GRM7: variants seen among roughly 807,000 people sequenced by gnomAD.
GRM7 encodes metabotropic glutamate receptor 7.
A neutral mutation model predicts 84.5 loss-of-function variants in GRM7; 35 were observed. The ratio of observed to expected loss-of-function variants is 0.41; its 90% CI spans 0.32 to 0.55. The LOEUF is 0.55. Ranked by LOEUF, GRM7 falls within the 20% of genes least tolerant of loss-of-function variation. GRM7 has a pLI of 0.19. For synonymous variants in GRM7, 487 were observed against 455.1 expected (o/e 1.07, Z -0.89); for missense variants, 1,003 against 1,194.6 (o/e 0.84, Z 2.36).
At chr3:7,686,609 G>A (rs1332573501) in intron 9 of GRM7, among the ~76,000 whole-genome samples, 3 of 152,130 alleles carry the variant, frequency 2.0e-5, no homozygotes, top group African/African-American at 4.8e-5. Context: ...GCCAGCAGCT[G>A]CCATTGGTCA....
chr3:7,693,527 A>T, intron 9 of GRM7: 2 of 722,562 alleles, frequency 2.8e-6, no homozygotes, highest in Non-Finnish European at 4.9e-6. Context: ...TTGGACCTTA[A>T]TTCCTCTTTC....
At chr3:7,728,212 G>A (rs576137901) in intron 9 of GRM7, among the ~76,000 whole-genome samples, 20 of 152,216 alleles carry the variant, frequency 1.3e-4, no homozygotes, top group Admixed American at 3.3e-4. Flanking sequence ...AGACCGAACC[G>A]GGTCTGGCTG....
chr3:7,501,217 T>C (rs1420177188), intron 7 of GRM7, among the ~76,000 whole-genome samples: 1 of 152,192 alleles, frequency 6.6e-6, no homozygotes, highest in African/African-American at 2.4e-5. Flanking sequence ...TTATCCTCAT[T>C]TCAGAGGCTT....
chr3:7,554,472 C>T (rs1170646424), intron 7 of GRM7, among the ~76,000 whole-genome samples: 3 of 152,112 alleles, frequency 2.0e-5, no homozygotes, highest in Admixed American at 2.0e-4. Context: ...GTGACAACAT[C>T]GAATGAGTAA....
At chr3:6,966,942 G>A (rs1401967631) in intron 1 of GRM7, among the ~76,000 whole-genome samples, 1 of 152,064 alleles carries the variant, frequency 6.6e-6, no homozygotes, top group Non-Finnish European at 1.5e-5. Context: ...CTATAAGGGG[G>A]AATAATAATA....
At chr3:7,431,686 T>A (rs1696835913) in intron 5 of GRM7, among the ~76,000 whole-genome samples, 1 of 152,182 alleles carries the variant, frequency 6.6e-6, no homozygotes, top group Non-Finnish European at 1.5e-5. Flanking sequence ...TGGATGGTTA[T>A]TTCATTAAGT....
chr3:7,433,886 T>C (rs900551112), intron 5 of GRM7, among the ~76,000 whole-genome samples: 1 of 152,192 alleles, frequency 6.6e-6, no homozygotes, highest in African/African-American at 2.4e-5. Context: ...GAAGCAGCAG[T>C]TTTATTTCAA....
intron 1 of GRM7, among the ~76,000 whole-genome samples, chr3:6,864,999 T>C (rs1694892862): frequency 6.6e-6 from 1 of 152,214 alleles, no homozygotes; most frequent in African/African-American, 2.4e-5. Context: ...TACGATGACA[T>C]GTCTGAGGAC....
chr3:7,252,115 C>T (rs1698013330), intron 2 of GRM7, among the ~76,000 whole-genome samples: 1 of 152,024 alleles, frequency 6.6e-6, no homozygotes, highest in South Asian at 2.1e-4. Flanking sequence ...ATAACTCTTT[C>T]CTGGGGTAGC....
At chr3:7,140,872 A>G (rs995479327) in intron 1 of GRM7, among the ~76,000 whole-genome samples, 1 of 152,026 alleles carries the variant, frequency 6.6e-6, no homozygotes, top group Non-Finnish European at 1.5e-5. Context: ...ATAAACTTAT[A>G]TAGAGAGGGA....
At chr3:7,017,296 A>G (rs1465840284) in intron 1 of GRM7, among the ~76,000 whole-genome samples, 1 of 152,180 alleles carries the variant, frequency 6.6e-6, no homozygotes, top group East Asian at 1.9e-4. Flanking sequence ...TAAAAAGGAA[A>G]GTTTTAGATT....
intron 4 of GRM7, among the ~76,000 whole-genome samples, chr3:7,342,621 A>G (rs1384840747): frequency 6.6e-6 from 1 of 152,130 alleles, no homozygotes; most frequent in Non-Finnish European, 1.5e-5. Flanking sequence ...TTACCTACAG[A>G]ATGTTAAGTT....
chr3:7,414,572 G>A (rs17047293), intron 4 of GRM7, among the ~76,000 whole-genome samples: 3,556 of 152,164 alleles, frequency 0.023, 124 homozygotes, highest in African/African-American at 0.073. Context: ...ATTGGATTGA[G>A]GTTTATATTG....
chr3:7,285,017 C>A (rs1699380238), intron 2 of GRM7, among the ~76,000 whole-genome samples: 3 of 152,244 alleles, frequency 2.0e-5, no homozygotes, highest in African/African-American at 7.2e-5. Context: ...CAAACTTTGA[C>A]CAGCAGGTTA....
intron 7 of GRM7, among the ~76,000 whole-genome samples, chr3:7,469,552 T>C (rs1698609317): frequency 6.6e-6 from 1 of 152,184 alleles, no homozygotes; most frequent in Non-Finnish European, 1.5e-5. Flanking sequence ...CATCAAACCA[T>C]TGAAGCTAGT....
intron 5 of GRM7, among the ~76,000 whole-genome samples, chr3:7,433,283 A>G (rs1384857899): frequency 1.3e-5 from 2 of 152,200 alleles, no homozygotes; most frequent in Middle Eastern, 6.3e-3. Flanking sequence ...TTTGCACATG[A>G]GTTATTTGGC....
chr3:7,102,716 A>G (rs186261251), intron 1 of GRM7, among the ~76,000 whole-genome samples: 1 of 151,858 alleles, frequency 6.6e-6, no homozygotes, highest in Admixed American at 6.6e-5. Context: ...CCCACGGGTC[A>G]CTAAGGCTCT....
intron 1 of GRM7, among the ~76,000 whole-genome samples, chr3:6,969,504 G>C (rs756954033): frequency 1.3e-5 from 2 of 152,168 alleles, no homozygotes; most frequent in African/African-American, 4.8e-5. Flanking sequence ...TCAGTTCACT[G>C]TGTGCCCCCA....
chr3:7,509,843 A>AC, intron 7 of GRM7, among the ~76,000 whole-genome samples: 1 of 151,742 alleles, frequency 6.6e-6, no homozygotes, highest in Admixed American at 6.6e-5. Flanking sequence ...GGGATTGAAA[A>AC]AATAACAGAG....
Sources: gnomAD v4.1 joint callset for allele counts (sites outside exome capture counted in the v4.1 genomes callset) on GRCh38, gnomAD v4.1.1 for gene constraint, MANE v1.5 for transcripts, NCBI Gene and HGNC (gene_info 2026-07-23, HGNC 2026-07-21) for gene names.